DNAH11: variants seen among roughly 807,000 people sequenced by gnomAD.
DNAH11 encodes the protein axonemal beta dynein heavy chain 11.
In DNAH11, 442 loss-of-function variants were observed where a neutral mutation model predicts 526.0. The observed-to-expected ratio is 0.84, with a 90% CI of 0.78 to 0.91. DNAH11 has a LOEUF of 0.91. DNAH11 is among the 40% of genes least tolerant of loss of function. The pLI is 0.00. For missense variants in DNAH11, 6,989 were observed against 5,448.7 expected (o/e 1.28, Z -8.90); for synonymous variants, 2,461 against 1,935.9 (o/e 1.27, Z -7.12).
rs112075174 is a variant in DNAH11 at position 21,835,868 on chromosome 7, C to CAA, written c.10692-6663_10692-6662dup. Among the ~76,000 whole-genome samples the CAA allele has an allele frequency of 2.4e-3, 279 of 117,170 alleles. 1 individual carries two copies. Among genetic ancestry groups the CAA allele is most frequent in the African/African-American group, 4.2e-3 (144 of 33,898 alleles). The allele number at this position is 117,170 out of a possible 152,430, so 76.9% of individuals were successfully genotyped here. A position where few individuals can be genotyped will look rare whatever the true frequency, so the allele number is the denominator to read the frequency against. ...TATATAGAAAGCCCCAAAGACTCCT[C>CAA]AAAAAAAAAAAAAACCGTTAGAACT... On this transcript the variant is annotated intron_variant, in intron 65 of 81. Transcript: ENST00000409508.
At chr7:21,837,148 T>G (rs1024973811) in intron 65 of DNAH11, among the ~76,000 whole-genome samples, 1 of 152,154 alleles carries the variant, frequency 6.6e-6, no homozygotes, top group African/African-American at 2.4e-5. Flanking sequence ...TTGGTGGAAA[T>G]GTAAATCGGT....
chr7:21,732,257 A>G (rs996793150), intron 45 of DNAH11, among the ~76,000 whole-genome samples: 3 of 152,196 alleles, frequency 2.0e-5, no homozygotes, highest in South Asian at 4.1e-4. Context: ...TTCTCTCTGC[A>G]TCCTCACATG....
intron 14 of DNAH11, among the ~76,000 whole-genome samples, chr7:21,594,596 C>T (rs1195627497): frequency 6.6e-6 from 1 of 152,000 alleles, no homozygotes; most frequent in Non-Finnish European, 1.5e-5. Flanking sequence ...TAGGCCTCAA[C>T]CAGAAGGTGA....
intron 45 of DNAH11, 118 bp downstream of exon 45, chr7:21,726,102 GC>G: frequency 9.5e-7 from 1 of 1,048,660 alleles, no homozygotes; most frequent in Non-Finnish European, 1.3e-6. Flanking sequence ...TCCACAGGCT[GC>G]CCAGGAAGCA....
intron 51 of DNAH11, 29 bp from the exon 52 acceptor site, chr7:21,748,551 G>A (rs368420873): frequency 2.1e-6 from 3 of 1,450,114 alleles, no homozygotes; most frequent in African/African-American, 2.9e-5. Flanking sequence ...TTTCGATTTT[G>A]TGCCATAATG....
In DNAH11 at chr7:21,582,040, A is replaced by G. The variant is rs573924387; in HGVS notation, c.1710+19A>G. 7.8e-6 allele frequency: 12 copies of G among 1,528,964 alleles called. No homozygotes were observed. The East Asian group carries it at 1.1e-4, about 14-fold the overall frequency. The allele number at this position is 1,528,964 out of a possible 1,614,324, so 94.7% of individuals were successfully genotyped here. ...ATTTAAGGTTAGTTCTGAAGAAGCT[A>G]TCATAAAAAACGTTTACTATGAATA... On this transcript the variant is annotated intron_variant, in intron 9 of 81. Transcript: ENST00000409508.
chr7:21,843,724 C>T lies in DNAH11; in HGVS notation c.10896+976C>T, dbSNP rs369609133. On this transcript the variant is annotated intron_variant, in intron 66 of 81. Coordinates refer to ENST00000409508, the MANE Select transcript of DNAH11 (RefSeq NM_001277115.2). ...TCAAACTCCTCACCTTGTGATCCTC[C>T]AGCCTCAGCCTCCCAAAGTGCTGGG... 5.3e-5 allele frequency among the ~76,000 whole-genome samples: 8 copies of T among 152,222 alleles called. 1 individual carries two copies. The highest frequency in any genetic ancestry group is 1.9e-4 in the African/African-American group (8 of 41,514).
At chr7:21,574,362 C>T (rs1034631255) in intron 8 of DNAH11, among the ~76,000 whole-genome samples, 36 of 152,102 alleles carry the variant, frequency 2.4e-4, no homozygotes, top group African/African-American at 7.0e-4. Flanking sequence ...GGATGCCAGG[C>T]GTTGTGCCAG....
chr7:21,605,121 G>A (rs1033940861), intron 18 of DNAH11, among the ~76,000 whole-genome samples: 1 of 152,188 alleles, frequency 6.6e-6, no homozygotes, highest in Non-Finnish European at 1.5e-5. Flanking sequence ...TTGAGAGAAT[G>A]TTTTACCTTT....
At chr7:21,724,061 C>A (rs1433908333) in intron 44 of DNAH11, among the ~76,000 whole-genome samples, 2 of 152,056 alleles carry the variant, frequency 1.3e-5, no homozygotes, top group African/African-American at 2.4e-5. Context: ...AGAACAGATG[C>A]GTTTTAGTTG....
At chr7:21,697,580 A>G (rs917254449) in intron 35 of DNAH11, among the ~76,000 whole-genome samples, 1 of 152,086 alleles carries the variant, frequency 6.6e-6, no homozygotes, top group Non-Finnish European at 1.5e-5. Flanking sequence ...ATTTCTGTCT[A>G]TTGTGTCTGT....
chr7:21,613,265 C>T (rs146301502), intron 20 of DNAH11, among the ~76,000 whole-genome samples: 79 of 151,840 alleles, frequency 5.2e-4, no homozygotes, highest in Admixed American at 1.2e-3. Context: ...TAACATTTAG[C>T]GCTTAGCAAT....
chr7:21,667,977 A>G (rs1009417021), intron 30 of DNAH11, among the ~76,000 whole-genome samples: 2 of 152,172 alleles, frequency 1.3e-5, no homozygotes, highest in Non-Finnish European at 2.9e-5. Context: ...TGATTTTATC[A>G]TGGGAAAGGT....
At chr7:21,546,796 C>T (rs1043131976) in intron 2 of DNAH11, among the ~76,000 whole-genome samples, 1 of 152,182 alleles carries the variant, frequency 6.6e-6, no homozygotes, top group Admixed American at 6.5e-5. Flanking sequence ...CAGTCAATAT[C>T]TGGGCCCCAT....
chr7:21,675,904 T>A (rs997282398), intron 30 of DNAH11, among the ~76,000 whole-genome samples: 3 of 152,136 alleles, frequency 2.0e-5, no homozygotes. Context: ...GTAAATAGAA[T>A]GGCCAGGGAA....
Position 21,562,403 on chromosome 7 carries a change from G to T in DNAH11, c.982+1233G>T, listed in dbSNP as rs189992527. Among the ~76,000 whole-genome samples the T allele has an allele frequency of 2.0e-5, 3 of 152,246 alleles. No homozygotes were observed. In the East Asian group the frequency reaches 5.8e-4, roughly 29 times the overall value. ...GATAGCATATTATACACTATGCAAG[G>T]TACTAGACATGTAGTAAGTATGCTT... is the stretch of plus-strand genomic sequence containing the variant. On this transcript the variant is annotated intron_variant, in intron 5 of 81. Coordinates refer to ENST00000409508, the MANE Select transcript of DNAH11 (RefSeq NM_001277115.2).
At chr7:21,796,871 G>A (rs1394636365) in intron 61 of DNAH11, among the ~76,000 whole-genome samples, 5 of 152,108 alleles carry the variant, frequency 3.3e-5, no homozygotes, top group Non-Finnish European at 7.4e-5. Flanking sequence ...GCTTGCTAGA[G>A]GATCAATAAC....
At chr7:21,761,110 A>G (rs1786881288) in intron 54 of DNAH11, among the ~76,000 whole-genome samples, 1 of 152,216 alleles carries the variant, frequency 6.6e-6, no homozygotes. Context: ...ACTGTCTTAG[A>G]AAAGAGCAGA....
intron 68 of DNAH11, among the ~76,000 whole-genome samples, chr7:21,857,606 TGTG>T (rs1213318830): frequency 6.6e-6 from 1 of 152,082 alleles, no homozygotes; most frequent in Non-Finnish European, 1.5e-5. Flanking sequence ...ATCAAGATGT[TGTG>T]GTACTGGCCT....
Sources: gnomAD v4.1 joint callset for allele counts (sites outside exome capture counted in the v4.1 genomes callset) on GRCh38, gnomAD v4.1.1 for gene constraint, MANE v1.5 for transcripts, NCBI Gene and HGNC (gene_info 2026-07-23, HGNC 2026-07-21) for gene names.